The following ARHGAP8 variants were observed in gnomAD, a reference collection of about 807,000 sequenced individuals.
The protein encoded by ARHGAP8 is Rho GTPase activating protein 8.
A neutral mutation model predicts 46.1 loss-of-function variants in ARHGAP8; 62 were observed. That is an observed-to-expected ratio of 1.34 (90% CI 1.10 to 1.66). ARHGAP8 has a LOEUF of 1.66. ARHGAP8 is among the 40% of genes most tolerant of loss of function. The probability of loss-of-function intolerance (pLI) is 0.00; values close to 1 mark genes in which losing one functional copy is unlikely to be tolerated. For synonymous variants in ARHGAP8, 375 were observed against 243.1 expected, an observed-to-expected ratio of 1.54 and a Z score of -5.05; for missense variants, 923 against 568.4, an observed-to-expected ratio of 1.62 and a Z score of -6.34.
intron 9 of ARHGAP8, 148 bp from the exon 10 acceptor site, chr22:44,848,784 T>G (rs2070022919): frequency 7.0e-7 from 1 of 1,424,384 alleles, no homozygotes; most frequent in Non-Finnish European, 9.4e-7. Flanking sequence ...CATTTCTAGG[T>G]GGGGACAGCA....
intron 7 of ARHGAP8, among the ~76,000 whole-genome samples, chr22:44,829,335 A>G (rs1930777032): frequency 6.6e-6 from 1 of 152,060 alleles, no homozygotes; most frequent in Admixed American, 6.6e-5. Context: ...AGCATAGCTC[A>G]CAGACTTCGA....
intron 6 of ARHGAP8, among the ~76,000 whole-genome samples, chr22:44,823,304 T>G (rs905630801): frequency 1.3e-5 from 2 of 151,944 alleles, no homozygotes; most frequent in African/African-American, 2.4e-5. Flanking sequence ...GACTGGTGTG[T>G]GGGGGTAATC....
intron 7 of ARHGAP8, among the ~76,000 whole-genome samples, chr22:44,829,583 C>A (rs1930795088): frequency 6.6e-6 from 1 of 152,224 alleles, no homozygotes; most frequent in South Asian, 2.1e-4. Context: ...ATGGGCCACA[C>A]TGCGCGTGCA....
rs2069926041 is a variant in ARHGAP8, at chr22:44,845,298, TC to T, written c.632del (p.Pro211LeufsTer3). On this transcript the variant is annotated frameshift_variant, in exon 8 of 12. Coordinates refer to ENST00000356099, the MANE Select transcript of ARHGAP8 (RefSeq NM_181335.3). LOFTEE classifies it high-confidence loss of function. ...YLKDKNQGEL[I>X]PPVLRFTVTY... ...AAAGACAAAAATCAAGGCGAACTCA[TC>T]CCCCCTGTGCTGAGGTTCACAGTGA... 3 of 1,613,826 alleles carry T rather than the reference TC, an allele frequency of 1.9e-6. No individual in the cohort carries two copies. Among genetic ancestry groups the T allele is most frequent in the East Asian group, 2.2e-5 (1 of 44,880 alleles).
At position 44,859,789 on chromosome 22, in the gene ARHGAP8, G is replaced by A. The variant is rs1295466986; in HGVS notation, c.936G>A (p.Glu312=). The change falls in exon 11 of 12, where the codon GAG becomes GAA. Residue 312 remains glutamate, a synonymous_variant. Transcript: ENST00000356099. ...GCRQILRSLP[E]HNYVVLRYLM... Reference sequence around the variant, plus strand: ...GCCAGATCTTACGGAGCCTCCCAGAGCACAACTACGTCGTCCTCCGCTACC... The same window carrying A: ...GCCAGATCTTACGGAGCCTCCCAGAACACAACTACGTCGTCCTCCGCTACC... 4 of 1,614,100 alleles carry A rather than the reference G, an allele frequency of 2.5e-6. No individual in the cohort carries two copies. The highest frequency in any genetic ancestry group is 3.4e-6 in the Non-Finnish European group (4 of 1,180,046).
At chr22:44,826,370 C>A (rs1930523594) in intron 7 of ARHGAP8, among the ~76,000 whole-genome samples, 1 of 152,180 alleles carries the variant, frequency 6.6e-6, no homozygotes, top group African/African-American at 2.4e-5. Context: ...TTATCAGCCA[C>A]ATGACCTTGA....
At chr22:44,844,328 A>C (rs2069903384) in intron 7 of ARHGAP8, among the ~76,000 whole-genome samples, 1 of 152,232 alleles carries the variant, frequency 6.6e-6, no homozygotes, top group South Asian at 2.1e-4. Context: ...TAGCCAGCAA[A>C]ATAAAGTCAA....
At chr22:44,860,464 T>A (rs2070419790) in intron 11 of ARHGAP8, among the ~76,000 whole-genome samples, 1 of 151,742 alleles carries the variant, frequency 6.6e-6, no homozygotes, top group African/African-American at 2.4e-5. Flanking sequence ...CCTCCACCTT[T>A]CCCTCCTAAG....
At position 44,862,488 on chromosome 22, in the gene ARHGAP8, A is replaced by C. The variant is rs1357118573; in HGVS notation, c.1195A>C (p.Ser399Arg). 6.2e-7 allele frequency: 1 copy of C among 1,613,024 alleles called. No homozygotes were observed. Among genetic ancestry groups the C allele is most frequent in the African/African-American group, 1.3e-5 (1 of 74,728 alleles). ...CGGCCTGGCACCATGGGAACAGGGG[A>C]GCAGGGCAGCCCCTTTGCAGGAGGC... ...EHGLAPWEQG[S>R]RAAPLQEAVP... Residue 399 changes from serine to arginine, a missense_variant, in exon 12 of 12, where the codon AGC becomes CGC. Transcript: ENST00000356099.
At chr22:44,853,491 G>A (rs1385428605) in intron 10 of ARHGAP8, among the ~76,000 whole-genome samples, 6 of 152,160 alleles carry the variant, frequency 3.9e-5, no homozygotes, top group South Asian at 4.1e-4. Context: ...CTGAGAACCC[G>A]CAAGCGTGCG....
intron 11 of ARHGAP8, 116 bp downstream of exon 11, chr22:44,859,950 C>T (rs1352291346): frequency 5.8e-6 from 7 of 1,201,866 alleles, no homozygotes; most frequent in East Asian, 2.5e-5. Context: ...CTGCTTGGGC[C>T]TCGGAATACC....
At chr22:44,787,377 G>T (rs926803618) in intron 2 of ARHGAP8, among the ~76,000 whole-genome samples, 6 of 151,416 alleles carry the variant, frequency 4.0e-5, no homozygotes, top group Non-Finnish European at 7.4e-5. Flanking sequence ...ACAGGGTTTC[G>T]CTCTGTCGCC....
In ARHGAP8 at chr22:44,779,097, C is replaced by CTT. The variant is rs532665716; in HGVS notation, c.-71-7341_-71-7340dup. Among the ~76,000 whole-genome samples, 16 of 26,116 alleles carry CTT rather than the reference C, an allele frequency of 6.1e-4. 3 individuals are homozygous for CTT. Among genetic ancestry groups the CTT allele is most frequent in the East Asian group, 2.3e-3 (4 of 1,752 alleles). The allele number at this position is 26,116 out of a possible 152,430, so 17.1% of individuals were successfully genotyped here. A position where few individuals can be genotyped will look rare whatever the true frequency, so the allele number is the denominator to read the frequency against. ...CAGTGACTGACTTTTTGGTCTCTGA[C>CTT]TTTTTTTTTTTTTTTTTTTTGAGAC... On this transcript the variant is annotated intron_variant, in intron 1 of 11. Coordinates refer to ENST00000356099, the MANE Select transcript of ARHGAP8 (RefSeq NM_181335.3).
At chr22:44,753,409 C>A (rs1234090537) in intron 1 of ARHGAP8, among the ~76,000 whole-genome samples, 3 of 152,002 alleles carry the variant, frequency 2.0e-5, no homozygotes, top group Non-Finnish European at 4.4e-5. Flanking sequence ...TTAGTACAGA[C>A]AGGGTTTCAC....
At chr22:44,811,130 T>C (rs930759053) in intron 4 of ARHGAP8, among the ~76,000 whole-genome samples, 1 of 152,174 alleles carries the variant, frequency 6.6e-6, no homozygotes, top group Non-Finnish European at 1.5e-5. Flanking sequence ...TCCCTTCCCT[T>C]TCTCGAGGGG....
At chr22:44,815,504 T>C (rs1929673188) in intron 5 of ARHGAP8, among the ~76,000 whole-genome samples, 1 of 152,008 alleles carries the variant, frequency 6.6e-6, no homozygotes, top group Non-Finnish European at 1.5e-5. Flanking sequence ...TCCCAGGAGC[T>C]GAGAGGTTTC....
At chr22:44,840,363 T>A (rs1266585138) in intron 7 of ARHGAP8, among the ~76,000 whole-genome samples, 1 of 152,172 alleles carries the variant, frequency 6.6e-6, no homozygotes, top group Non-Finnish European at 1.5e-5. Context: ...GAGGCGCCTA[T>A]GCTCCTTGGC....
chr22:44,805,773 G>GA (rs1569154359), intron 3 of ARHGAP8, among the ~76,000 whole-genome samples: 1 of 152,178 alleles, frequency 6.6e-6, no homozygotes, highest in African/African-American at 2.4e-5. Context: ...CAGCCTTTAT[G>GA]AAAAAAATTA....
At chr22:44,824,669 A>G (rs1452125569) in intron 6 of ARHGAP8, among the ~76,000 whole-genome samples, 4 of 134,916 alleles carry the variant, frequency 3.0e-5, no homozygotes, top group East Asian at 4.4e-4. Flanking sequence ...GTCTTGCTCT[A>G]TCGCCCAGGC....
Sources: allele counts gnomAD v4.1 joint callset (sites outside exome capture counted in the v4.1 genomes callset), GRCh38; gene constraint gnomAD v4.1.1; transcripts MANE v1.5; gene names NCBI Gene and HGNC (gene_info 2026-07-23, HGNC 2026-07-21).